The following LDLRAD4 variants were observed in gnomAD, a reference collection of about 807,000 sequenced individuals.
LDLRAD4 encodes low-density lipoprotein receptor class A domain-containing protein 4.
LDLRAD4 carries 5 observed loss-of-function variants against 17.0 expected under a neutral mutation model. That is an observed-to-expected ratio of 0.29 (90% CI 0.15 to 0.62). The LOEUF (loss-of-function observed/expected upper bound fraction) is 0.62, where lower values mean the gene tolerates loss of function less well. Ranked by LOEUF, LDLRAD4 falls within the 20% of genes least tolerant of loss-of-function variation. LDLRAD4 has a pLI of 0.84. For missense variants in LDLRAD4, 340 were observed against 424.7 expected, an observed-to-expected ratio of 0.80 and a Z score of 1.75; for synonymous variants, 168 against 171.8, an observed-to-expected ratio of 0.98 and a Z score of 0.17.
chr18:13,450,024 C>G (rs143456670), intron 3 of LDLRAD4, among the ~76,000 whole-genome samples: 1 of 152,166 alleles, frequency 6.6e-6, no homozygotes, highest in African/African-American at 2.4e-5. Context: ...AACACATTAC[C>G]GAGAGAGTTC....
chr18:13,593,987 C>G (rs2095060799), intron 3 of LDLRAD4, among the ~76,000 whole-genome samples: 1 of 152,128 alleles, frequency 6.6e-6, no homozygotes, highest in Non-Finnish European at 1.5e-5. Flanking sequence ...TTTTCTTTTC[C>G]TCCAAAGCTT....
intron 3 of LDLRAD4, among the ~76,000 whole-genome samples, chr18:13,459,376 T>C (rs2092315648): frequency 6.6e-6 from 1 of 150,436 alleles, no homozygotes; most frequent in South Asian, 2.1e-4. Context: ...TTGGTGTTTT[T>C]TTTTTCTTTT....
intron 3 of LDLRAD4, among the ~76,000 whole-genome samples, chr18:13,561,148 GC>G (rs5823260): frequency 6.6e-6 from 1 of 152,022 alleles, no homozygotes; most frequent in Admixed American, 6.5e-5. Flanking sequence ...GATATTCAGG[GC>G]CCACACTGGA....
chr18:13,383,927 A>G (rs1356906820), intron 1 of LDLRAD4, among the ~76,000 whole-genome samples: 1 of 152,168 alleles, frequency 6.6e-6, no homozygotes, highest in Admixed American at 6.5e-5. Context: ...AGCATTTATA[A>G]TTGCATTTTA....
chr18:13,334,996 C>G (rs1398721247), intron 1 of LDLRAD4, among the ~76,000 whole-genome samples: 2 of 152,082 alleles, frequency 1.3e-5, no homozygotes, highest in African/African-American at 4.8e-5. Flanking sequence ...AGTTATGTCA[C>G]ATTTTATATT....
Position 13,367,737 on chromosome 18 carries a change from CG to C in LDLRAD4, c.-382-19598del, listed in dbSNP as rs1464885838. On this transcript the variant is annotated intron_variant, in intron 1 of 5. Coordinates refer to ENST00000359446, the Ensembl canonical transcript of LDLRAD4. The surrounding 1 kb of genome is among the most constrained non-coding windows in gnomAD (Gnocchi z 4.1). ...TATACCGAGAGGAGACAGCCGAGCC[CG>C]GGGGGCATGCACTGTCAAGGTGTTT... 6.7e-6 allele frequency among the ~76,000 whole-genome samples: 1 copy of C among 149,156 alleles called. No individual in the cohort carries two copies. Among genetic ancestry groups the C allele is most frequent in the African/African-American group, 2.5e-5 (1 of 40,216 alleles).
chr18:13,353,222 A>T (rs2083145735), intron 1 of LDLRAD4, among the ~76,000 whole-genome samples: 1 of 152,126 alleles, frequency 6.6e-6, no homozygotes, highest in South Asian at 2.1e-4. Context: ...CATTTGAAAA[A>T]AAAATAACCA....
chr18:13,505,701 G>T (rs2116222), intron 3 of LDLRAD4, among the ~76,000 whole-genome samples: 1 of 151,476 alleles, frequency 6.6e-6, no homozygotes, highest in Admixed American at 6.6e-5. Context: ...ACCTGTAGTC[G>T]CAGCTACTCG....
intron 1 of LDLRAD4, among the ~76,000 whole-genome samples, chr18:13,271,460 C>T (rs1384671770): frequency 3.3e-5 from 5 of 152,180 alleles, no homozygotes; most frequent in East Asian, 3.8e-4. Context: ...ACTTAGTTCA[C>T]GAGGTCTTTT....
At chr18:13,633,680 A>T (rs1252689570) in intron 4 of LDLRAD4, among the ~76,000 whole-genome samples, 1 of 152,184 alleles carries the variant, frequency 6.6e-6, no homozygotes, top group African/African-American at 2.4e-5. Flanking sequence ...CTTTGCTCCA[A>T]AATTGGAGCA....
At chr18:13,615,223 G>A (rs1232187882) in intron 3 of LDLRAD4, 3 of 152,260 alleles carry the variant, frequency 2.0e-5, no homozygotes, top group African/African-American at 7.2e-5. Context: ...TTCCTGCCAA[G>A]GTGTTTACTT....
At chr18:13,552,415 C>T (rs2094443838) in intron 3 of LDLRAD4, among the ~76,000 whole-genome samples, 1 of 152,256 alleles carries the variant, frequency 6.6e-6, no homozygotes, top group Non-Finnish European at 1.5e-5. Flanking sequence ...TCTGCCTTAG[C>T]TGGACCTGGA....
intron 3 of LDLRAD4, among the ~76,000 whole-genome samples, chr18:13,447,663 T>A (rs956813237): frequency 6.6e-6 from 1 of 152,246 alleles, no homozygotes. Context: ...TGGATGTTAA[T>A]GAAAGTCTGG....
chr18:13,594,051 T>TAC lies in LDLRAD4; in HGVS notation c.182-27052_182-27051dup, dbSNP rs562649759. Reference sequence around the variant, plus strand: ...CTCATGTAATATTTGCATATATTCATACACACACACACACATGCAACTGCA... The same window carrying TAC: ...CTCATGTAATATTTGCATATATTCATACACACACACACACACATGCAACTGCA... On this transcript the variant is annotated intron_variant, in intron 3 of 5. Transcript: ENST00000359446. 5.6e-3 allele frequency among the ~76,000 whole-genome samples: 855 copies of TAC among 151,966 alleles called. 8 individuals are homozygous for TAC. The highest frequency in any genetic ancestry group is 0.019 in the African/African-American group (802 of 41,442).
At chr18:13,304,182 A>G (rs979364329) in intron 1 of LDLRAD4, among the ~76,000 whole-genome samples, 2 of 152,130 alleles carry the variant, frequency 1.3e-5, no homozygotes, top group African/African-American at 4.8e-5. Context: ...CTCAGGGCTC[A>G]TCTTGGTGGA....
chr18:13,402,379 G>C (rs901731959), intron 2 of LDLRAD4, among the ~76,000 whole-genome samples: 7 of 152,294 alleles, frequency 4.6e-5, no homozygotes, highest in Non-Finnish European at 1.0e-4. Flanking sequence ...TGGTTCCCCA[G>C]TAGCTCAATC....
At chr18:13,335,595 A>G (rs1018380146) in intron 1 of LDLRAD4, among the ~76,000 whole-genome samples, 21 of 152,342 alleles carry the variant, frequency 1.4e-4, no homozygotes, top group African/African-American at 4.8e-4. Context: ...AATGAATTCA[A>G]TTGCCAGTTC....
chr18:13,306,442 C>G (rs554758929), intron 1 of LDLRAD4, among the ~76,000 whole-genome samples: 68 of 152,308 alleles, frequency 4.5e-4, no homozygotes, highest in African/African-American at 1.5e-3. Flanking sequence ...TGCCCCTGGC[C>G]ACCCAGAACC....
intron 3 of LDLRAD4, among the ~76,000 whole-genome samples, chr18:13,447,983 G>A (rs1054417989): frequency 9.2e-5 from 14 of 152,182 alleles, no homozygotes; most frequent in Admixed American, 6.5e-5. Flanking sequence ...GAGGCCAAGG[G>A]GTGGCCGGGA....
Sources: allele counts gnomAD v4.1 joint callset (sites outside exome capture counted in the v4.1 genomes callset), GRCh38; gene constraint gnomAD v4.1.1; non-coding constraint Gnocchi (gnomAD v3.1); transcripts MANE v1.5; gene names NCBI Gene and HGNC (gene_info 2026-07-23, HGNC 2026-07-21).